Variants in KAZN observed in about 807,000 individuals in gnomAD.
KAZN encodes kazrin, periplakin interacting protein.
KAZN carries 40 observed loss-of-function variants against 87.4 expected under a neutral mutation model. The observed-to-expected ratio is 0.46, with a 90% CI of 0.36 to 0.60. The LOEUF (loss-of-function observed/expected upper bound fraction) is 0.60. KAZN is among the 20% of genes least tolerant of loss of function. KAZN has a pLI of 0.00. For missense variants in KAZN, 898 were observed against 1,073.9 expected, an observed-to-expected ratio of 0.84 and a Z score of 2.29; for synonymous variants, 466 against 458.3, an observed-to-expected ratio of 1.02 and a Z score of -0.22.
intron 8 of KAZN, among the ~76,000 whole-genome samples, chr1:15,071,925 C>T (rs940152304): frequency 1.3e-5 from 2 of 152,298 alleles, no homozygotes; most frequent in South Asian, 4.1e-4. Flanking sequence ...AGCTGTTAAT[C>T]GCACCAATAC....
chr1:14,176,725 A>G (rs1570943260), intron 1 of KAZN, among the ~76,000 whole-genome samples: 1 of 152,194 alleles, frequency 6.6e-6, no homozygotes, highest in South Asian at 2.1e-4. Context: ...CAGTCCTCCA[A>G]GTTTGATTCT....
intron 1 of KAZN, among the ~76,000 whole-genome samples, chr1:14,835,843 T>G: frequency 7.3e-6 from 1 of 136,780 alleles, no homozygotes; most frequent in Admixed American, 7.4e-5. Context: ...GGAGTCCCCT[T>G]CCTCCTTGAC....
intron 2 of KAZN, among the ~76,000 whole-genome samples, chr1:14,343,642 T>C (rs531322265): frequency 1.2e-4 from 19 of 152,344 alleles, no homozygotes; most frequent in African/African-American, 4.6e-4. Flanking sequence ...AAACCATGTT[T>C]GATTTTTATT....
intron 2 of KAZN, among the ~76,000 whole-genome samples, chr1:14,981,484 A>G (rs1666243993): frequency 1.3e-5 from 2 of 152,280 alleles, no homozygotes; most frequent in African/African-American, 4.8e-5. Context: ...CTCTTCTATC[A>G]TTGAACACAG....
At chr1:14,796,892 C>T (rs2100716573) in intron 1 of KAZN, among the ~76,000 whole-genome samples, 1 of 152,328 alleles carries the variant, frequency 6.6e-6, no homozygotes, top group South Asian at 2.1e-4. Context: ...CCTGAGTCCA[C>T]TCAGTGGTGA....
intron 2 of KAZN, among the ~76,000 whole-genome samples, chr1:14,232,097 T>C (rs1409549273): frequency 6.6e-6 from 1 of 152,296 alleles, no homozygotes; most frequent in African/African-American, 2.4e-5. Context: ...GTAGTCTGGC[T>C]GGGTGTTCAG....
intron 1 of KAZN, among the ~76,000 whole-genome samples, chr1:14,670,904 C>T (rs959791352): frequency 6.6e-6 from 1 of 152,204 alleles, no homozygotes; most frequent in African/African-American, 2.4e-5. Flanking sequence ...TTGACAATGT[C>T]TGAAAACATT....
chr1:14,481,459 TTAAG>T (rs1164530560), intron 2 of KAZN, among the ~76,000 whole-genome samples: 3 of 152,044 alleles, frequency 2.0e-5, no homozygotes, highest in African/African-American at 4.8e-5. Flanking sequence ...CTTAGTCTAA[TTAAG>T]TAAGAGAGCA....
chr1:13,951,512 T>A (rs939685969), intron 1 of KAZN, among the ~76,000 whole-genome samples: 3 of 151,884 alleles, frequency 2.0e-5, no homozygotes, highest in Non-Finnish European at 2.9e-5. Flanking sequence ...CTCAAAAGGG[T>A]TCTGGTTTGG....
intron 1 of KAZN, among the ~76,000 whole-genome samples, chr1:14,835,974 AC>A (rs1557539593): frequency 6.6e-6 from 1 of 152,252 alleles, no homozygotes; most frequent in Non-Finnish European, 1.5e-5. Flanking sequence ...ATTGCTGGTA[AC>A]AGCTGGGTTG....
chr1:14,559,012 G>T (rs1033017140), intron 2 of KAZN, among the ~76,000 whole-genome samples: 10 of 152,184 alleles, frequency 6.6e-5, no homozygotes, highest in African/African-American at 9.6e-5. Context: ...GCCCCAAATG[G>T]TTGCTCTAGC....
chr1:15,066,357 G>A lies in KAZN; in HGVS notation c.1222+604G>A, dbSNP rs369949456. 2.6e-5 allele frequency: 26 copies of A among 982,014 alleles called. No individual in the cohort carries two copies. The East Asian group carries it at 1.0e-3, about 39-fold the overall frequency. The allele number at this position is 982,014 out of a possible 1,614,324, so 60.8% of individuals were successfully genotyped here. A position where few individuals can be genotyped will look rare whatever the true frequency, so the allele number is the denominator to read the frequency against. Reference sequence around the variant, plus strand: ...CCCCTCCCGCCCCCCTGGTGTGAACGTGTGGGACCAGACCCTGTCCTGGGG... The same window carrying A: ...CCCCTCCCGCCCCCCTGGTGTGAACATGTGGGACCAGACCCTGTCCTGGGG... On this transcript the variant is annotated intron_variant, in intron 8 of 14. Coordinates refer to ENST00000376030, the MANE Select transcript of KAZN (RefSeq NM_201628.3). The surrounding 1 kb of genome is among the most constrained non-coding windows in gnomAD (Gnocchi z 4.3).
At chr1:14,753,993 C>T (rs561395446) in intron 1 of KAZN, among the ~76,000 whole-genome samples, 50 of 152,298 alleles carry the variant, frequency 3.3e-4, no homozygotes, top group African/African-American at 1.1e-3. Context: ...TGTGGGTGAC[C>T]AGAGCTTCCT....
intron 2 of KAZN, among the ~76,000 whole-genome samples, chr1:14,524,503 G>T (rs576302024): frequency 6.6e-6 from 1 of 152,168 alleles, no homozygotes; most frequent in South Asian, 2.1e-4. Context: ...TTATCACCAG[G>T]CTCTCTTTGA....
chr1:15,017,023 C>T (rs1462857718), intron 2 of KAZN, among the ~76,000 whole-genome samples: 1 of 152,016 alleles, frequency 6.6e-6, no homozygotes, highest in Admixed American at 6.6e-5. Flanking sequence ...TCTGGTTGGG[C>T]GCCGTGGCTT....
chr1:14,369,114 G>A (rs1251216564), intron 2 of KAZN, among the ~76,000 whole-genome samples: 1 of 152,212 alleles, frequency 6.6e-6, no homozygotes, highest in Non-Finnish European at 1.5e-5. Flanking sequence ...ATGTGTTTCT[G>A]CAGCGTAGCC....
chr1:14,511,164 T>A (rs1197530694), intron 2 of KAZN, among the ~76,000 whole-genome samples: 1 of 152,170 alleles, frequency 6.6e-6, no homozygotes, highest in Non-Finnish European at 1.5e-5. Context: ...TCATTTCCAC[T>A]CACTCTGTTG....
At chr1:14,816,364 C>A (rs541046642) in intron 1 of KAZN, among the ~76,000 whole-genome samples, 84 of 152,176 alleles carry the variant, frequency 5.5e-4, no homozygotes, top group Non-Finnish European at 5.0e-4. Context: ...GGAGGCTCTA[C>A]TGGGGAACAA....
chr1:14,225,528 T>A (rs147682382), intron 2 of KAZN, among the ~76,000 whole-genome samples: 1 of 151,950 alleles, frequency 6.6e-6, no homozygotes, highest in African/African-American at 2.4e-5. Flanking sequence ...TAGAAAAAAA[T>A]TCTAAAATTC....
Sources: allele counts gnomAD v4.1 joint callset (sites outside exome capture counted in the v4.1 genomes callset), GRCh38; gene constraint gnomAD v4.1.1; non-coding constraint Gnocchi (gnomAD v3.1); transcripts MANE v1.5; gene names NCBI Gene and HGNC (gene_info 2026-07-23, HGNC 2026-07-21).